The following PRKG1 variants were observed in gnomAD, a reference collection of about 807,000 sequenced individuals.
PRKG1 encodes the protein protein kinase cGMP-dependent 1, also known as cGMP-dependent protein kinase 1.
A neutral mutation model predicts 88.1 loss-of-function variants in PRKG1; 35 were observed. The observed-to-expected ratio is 0.40, with a 90% CI of 0.30 to 0.53. PRKG1 has a LOEUF of 0.53. PRKG1 is among the 20% of genes least tolerant of loss of function. PRKG1 has a pLI of 0.59. For missense variants in PRKG1, 540 were observed against 839.8 expected (o/e 0.64, Z 4.41); for synonymous variants, 303 against 292.5 (o/e 1.04, Z -0.37).
intron 1 of PRKG1, among the ~76,000 whole-genome samples, chr10:51,084,178 C>A (rs1331739782): frequency 1.3e-5 from 2 of 152,094 alleles, no homozygotes; most frequent in Non-Finnish European, 2.9e-5. Flanking sequence ...AAAGTAAACA[C>A]TTTCATTATG....
chr10:51,232,731 T>C (rs3844130), intron 2 of PRKG1, among the ~76,000 whole-genome samples: 87,604 of 151,878 alleles, frequency 0.58, 26,494 homozygotes, highest in African/African-American at 0.78. Flanking sequence ...TGTTTAAAAT[T>C]GAGTGCAAAT....
chr10:51,648,995 G>C (rs1222140242), intron 3 of PRKG1, among the ~76,000 whole-genome samples: 2 of 152,038 alleles, frequency 1.3e-5, no homozygotes, highest in Non-Finnish European at 2.9e-5. Flanking sequence ...CGTAAGTCCA[G>C]GGGATTGAAA....
At chr10:52,233,429 G>T (rs1286133561) in intron 9 of PRKG1, among the ~76,000 whole-genome samples, 2 of 150,146 alleles carry the variant, frequency 1.3e-5, no homozygotes, top group Non-Finnish European at 3.0e-5. Flanking sequence ...GGGAGTGCCA[G>T]ACAGTGGGCG....
chr10:51,277,679 T>C (rs1016200600), intron 2 of PRKG1, among the ~76,000 whole-genome samples: 6 of 152,192 alleles, frequency 3.9e-5, no homozygotes, highest in African/African-American at 1.2e-4. Flanking sequence ...TCACATCCCT[T>C]GTAAGTTGGA....
chr10:51,146,569 T>C (rs1845953545), intron 1 of PRKG1, among the ~76,000 whole-genome samples: 1 of 152,154 alleles, frequency 6.6e-6, no homozygotes. Context: ...AGAAGCTTTT[T>C]ATTTATTTTT....
chr10:51,325,418 C>T (rs184027045), intron 2 of PRKG1, among the ~76,000 whole-genome samples: 2 of 152,200 alleles, frequency 1.3e-5, no homozygotes, highest in African/African-American at 4.8e-5. Context: ...AGGCTGGTCT[C>T]GAACTCCTGA....
intron 3 of PRKG1, among the ~76,000 whole-genome samples, chr10:51,781,706 C>T (rs1396244078): frequency 2.6e-5 from 4 of 152,132 alleles, no homozygotes; most frequent in Non-Finnish European, 5.9e-5. Flanking sequence ...CTTCTGTCCA[C>T]TGGAGAGGGG....
At position 52,027,569 on chromosome 10, in the gene PRKG1, G is replaced by A. The variant is rs191366191; in HGVS notation, c.763-26915G>A. ...TTACATCTATTTTCCACTTCACTTT[G>A]TCCAAGTAGACACACATAAACAATG... On this transcript the variant is annotated intron_variant, in intron 5 of 17. Coordinates refer to ENST00000373980, the MANE Select transcript of PRKG1 (RefSeq NM_006258.4). 2.0e-5 allele frequency among the ~76,000 whole-genome samples: 3 copies of A among 152,194 alleles called. No homozygotes were observed. The East Asian group carries it at 5.8e-4, about 29-fold the overall frequency.
intron 2 of PRKG1, among the ~76,000 whole-genome samples, chr10:51,457,429 A>G (rs1020709194): frequency 1.3e-5 from 2 of 152,108 alleles, no homozygotes; most frequent in Non-Finnish European, 2.9e-5. Flanking sequence ...CTCAGTGGGG[A>G]GGGGGAAAGG....
At position 52,296,274 on chromosome 10, in the gene PRKG1, T is replaced by G. The variant is rs1310389739; in HGVS notation, c.*2374T>G. On this transcript the variant is annotated 3_prime_UTR_variant, in exon 18 of 18. Transcript: ENST00000373980. ...TCAAGTCTAAGACAACCAATATGAA[T>G]AAGTTCAATGGAGAAGGAAGAAGTA... 1 of 152,040 alleles carries G rather than the reference T, an allele frequency of 6.6e-6. No individual in the cohort carries two copies. Among genetic ancestry groups the G allele is most frequent in the Non-Finnish European group, 1.5e-5 (1 of 67,920 alleles). 9.4% of individuals were successfully genotyped at this position (152,040 alleles called of 1,614,324 possible).
At chr10:51,817,356 C>A (rs10823647) in intron 4 of PRKG1, among the ~76,000 whole-genome samples, 12,065 of 148,922 alleles carry the variant, frequency 0.081, 1,281 homozygotes, top group African/African-American at 0.23. Flanking sequence ...AACCCCCCCC[C>A]TCCCCTGACA....
chr10:51,628,008 C>CTCTTTCTTTCTTTCTT (rs762442433), intron 3 of PRKG1, among the ~76,000 whole-genome samples: 10 of 50,436 alleles, frequency 2.0e-4, no homozygotes, highest in African/African-American at 6.3e-4. Context: ...CTCTCTCTCT[C>CTCTTTCTTTCTTTCTT]TCTTTCTTTC....
At chr10:51,135,765 G>T (rs901091251) in intron 1 of PRKG1, among the ~76,000 whole-genome samples, 3 of 152,076 alleles carry the variant, frequency 2.0e-5, no homozygotes, top group African/African-American at 7.2e-5. Context: ...TTTGGTTTTG[G>T]TATTCAAAAG....
intron 2 of PRKG1, among the ~76,000 whole-genome samples, chr10:51,183,871 T>C (rs985390575): frequency 6.6e-6 from 1 of 152,204 alleles, no homozygotes; most frequent in African/African-American, 2.4e-5. Context: ...ATCTGTAGCA[T>C]GGATATCACT....
chr10:51,202,537 T>C (rs187026552), intron 2 of PRKG1, among the ~76,000 whole-genome samples: 3,104 of 152,248 alleles, frequency 0.02, 45 homozygotes, highest in Middle Eastern at 0.051. Flanking sequence ...TAGACAGATA[T>C]ACACACACAC....
At chr10:51,203,964 G>C (rs1004852634) in intron 2 of PRKG1, among the ~76,000 whole-genome samples, 1 of 152,152 alleles carries the variant, frequency 6.6e-6, no homozygotes, top group Admixed American at 6.5e-5. Flanking sequence ...GTGACAGTCT[G>C]TATACTTCAT....
chr10:51,008,284 A>G (rs1842960155), intron 1 of PRKG1, among the ~76,000 whole-genome samples: 1 of 152,190 alleles, frequency 6.6e-6, no homozygotes. Context: ...CTTGAGAAGT[A>G]GCTTTCTAGG....
intron 2 of PRKG1, among the ~76,000 whole-genome samples, chr10:51,371,763 C>T (rs1430117251): frequency 1.3e-5 from 2 of 152,172 alleles, no homozygotes; most frequent in Non-Finnish European, 2.9e-5. Flanking sequence ...TCCTCAGTCA[C>T]CATCATCAAC....
rs189580424 is a variant in PRKG1, at chr10:52,244,801, T to A, written c.1077-6769T>A. 2.4e-3 allele frequency among the ~76,000 whole-genome samples: 342 copies of A among 143,244 alleles called. 2 individuals are homozygous for A. The highest frequency in any genetic ancestry group is 7.6e-3 in the African/African-American group (303 of 39,982). The allele number at this position is 143,244 out of a possible 152,430, so 94.0% of individuals were successfully genotyped here. The stretch of plus-strand genomic sequence containing the variant: ...ACCTTAATATATATTTAAATATATA[T>A]TTAGATATATTTAAATATATTTAAA... On this transcript the variant is annotated intron_variant, in intron 9 of 17. Transcript: ENST00000373980.
Sources: gnomAD v4.1 joint callset for allele counts (sites outside exome capture counted in the v4.1 genomes callset) on GRCh38, gnomAD v4.1.1 for gene constraint, MANE v1.5 for transcripts, NCBI Gene and HGNC (gene_info 2026-07-23, HGNC 2026-07-21) for gene names.